Variants in TNRC6A observed in about 807,000 individuals in gnomAD.
TNRC6A encodes the protein trinucleotide repeat containing adaptor 6A.
A neutral mutation model predicts 221.2 loss-of-function variants in TNRC6A; 44 were observed. The observed-to-expected ratio is 0.20, with a 90% confidence interval of 0.16 to 0.26. The LOEUF is 0.26. Ranked by LOEUF, TNRC6A falls within the 10% of genes least tolerant of loss-of-function variation. TNRC6A has a pLI of 1.00. For synonymous variants in TNRC6A, 847 were observed against 838.5 expected (o/e 1.01, Z -0.18); for missense variants, 2,199 against 2,404.4 (o/e 0.91, Z 1.79).
chr16:24,780,743 T>C (rs1165825514), intron 5 of TNRC6A, among the ~76,000 whole-genome samples: 2 of 138,166 alleles, frequency 1.4e-5, no homozygotes, highest in East Asian at 4.1e-4. Flanking sequence ...GCCTTATCTA[T>C]TATGTTTGAA....
Position 24,789,891 on chromosome 16 carries a change from C to A in TNRC6A, c.1249C>A (p.His417Asn). The part of the protein sequence containing the change: ...INSKVSGGST[H>N]GTWGSLQETC... Reference sequence around the variant, plus strand: ...CTCTAAAGTGAGTGGTGGTTCTACCCATGGTACCTGGGGAAGCCTTCAGGA... The same window carrying A: ...CTCTAAAGTGAGTGGTGGTTCTACCAATGGTACCTGGGGAAGCCTTCAGGA... The change falls in exon 6 of 25, where the codon CAT becomes AAT. Residue 417 changes from histidine to asparagine, a missense_variant. This residue lies in a region of TNRC6A where 1,405 missense variants were observed against 1,400.2 expected (regional missense o/e 1.00). Transcript: ENST00000395799. 1 of 1,614,006 alleles carries A rather than the reference C, an allele frequency of 6.2e-7. No individual in the cohort carries two copies. Among genetic ancestry groups the A allele is most frequent in the South Asian group, 1.1e-5 (1 of 91,052 alleles).
intron 18 of TNRC6A, among the ~76,000 whole-genome samples, chr16:24,814,690 G>A (rs2058620796): frequency 6.6e-6 from 1 of 152,024 alleles, no homozygotes; most frequent in African/African-American, 2.4e-5. Flanking sequence ...TGGGATTACA[G>A]GCATGAGCCA....
intron 2 of TNRC6A, among the ~76,000 whole-genome samples, chr16:24,687,911 C>CTTCTT (rs551462314): frequency 0.19 from 22,948 of 119,826 alleles, 2,582 homozygotes; most frequent in Non-Finnish European, 0.22. Context: ...CTTGGACATG[C>CTTCTT]TTCTTTTCTT....
At chr16:24,610,359 A>C (rs1156286685) in exon 1 of TNRC6A, 1 of 152,206 alleles carries the variant, frequency 6.6e-6, no homozygotes, top group Non-Finnish European at 1.5e-5. Flanking sequence ...TGCCTGACTG[A>C]ATGGAAAACC....
chr16:24,684,920 C>T (rs1567354623), intron 2 of TNRC6A, among the ~76,000 whole-genome samples: 1 of 152,250 alleles, frequency 6.6e-6, no homozygotes, highest in Non-Finnish European at 1.5e-5. Context: ...CTTCTAAACT[C>T]ACTCTGAGTC....
At chr16:24,623,901 C>CAAAAAAAAA (rs67546745) in intron 1 of TNRC6A, among the ~76,000 whole-genome samples, 1 of 55,188 alleles carries the variant, frequency 1.8e-5, no homozygotes, top group Non-Finnish European at 3.0e-5. Flanking sequence ...GACCCTGTCT[C>CAAAAAAAAA]AAAAAAAAAA....
At chr16:24,755,919 G>A (rs556929779) in intron 3 of TNRC6A, among the ~76,000 whole-genome samples, 67 of 152,042 alleles carry the variant, frequency 4.4e-4, no homozygotes, top group Non-Finnish European at 9.0e-4. Context: ...AAGTAGTGTT[G>A]TATAGTTTTT....
chr16:24,652,696 A>G (rs897129626), intron 2 of TNRC6A, among the ~76,000 whole-genome samples: 38 of 152,172 alleles, frequency 2.5e-4, no homozygotes, highest in African/African-American at 8.4e-4. Context: ...ACAGCATATG[A>G]AAGACGGAAT....
chr16:24,690,324 T>C (rs1038192790), intron 2 of TNRC6A, among the ~76,000 whole-genome samples: 55 of 152,150 alleles, frequency 3.6e-4, no homozygotes, highest in African/African-American at 1.2e-3. Context: ...AAAAAAAATT[T>C]TAATGGAAAA....
At chr16:24,649,484 T>C (rs1290127198) in intron 2 of TNRC6A, among the ~76,000 whole-genome samples, 3 of 151,946 alleles carry the variant, frequency 2.0e-5, no homozygotes, top group Non-Finnish European at 2.9e-5. Flanking sequence ...AATTTTTTTA[T>C]TTTTTGTAGA....
chr16:24,810,704 G>T (rs1424322848), intron 18 of TNRC6A, among the ~76,000 whole-genome samples: 2 of 152,174 alleles, frequency 1.3e-5, no homozygotes, highest in Non-Finnish European at 2.9e-5. Context: ...CAGAAAAGAG[G>T]TAGATGAAGA....
In TNRC6A at chr16:24,781,043, C is replaced by CTTTTTTTTTTTTTTTTTT. The variant is rs35502747; in HGVS notation, c.589+3693_589+3710dup. 1.3e-4 allele frequency among the ~76,000 whole-genome samples: 7 copies of CTTTTTTTTTTTTTTTTTT among 53,426 alleles called. 1 individual carries two copies. The highest frequency in any genetic ancestry group is 5.3e-4 in the African/African-American group (6 of 11,318). The allele number at this position is 53,426 out of a possible 152,430, so 35.0% of individuals were successfully genotyped here. A position where few individuals can be genotyped will look rare whatever the true frequency, so the allele number is the denominator to read the frequency against. ...AAAAATTTTCTTAAGCCTCCATACT[C>CTTTTTTTTTTTTTTTTTT]TTTTTTTTTTTTTTTTTTTTTTTTT... is the stretch of plus-strand genomic sequence containing the variant. On this transcript the variant is annotated intron_variant, in intron 5 of 24. Transcript: ENST00000395799.
Position 24,820,215 on chromosome 16 carries a change from G to A in TNRC6A, c.5157G>A (p.Lys1719=), listed in dbSNP as rs762863694. ...TNTSLAHELW[K]VPLPPKNITA... Reference sequence around the variant, plus strand: ...CCTCTCTGGCTCATGAGCTGTGGAAGGTCCCTTTGCCACCTAAAAACATCA... The same window carrying A: ...CCTCTCTGGCTCATGAGCTGTGGAAAGTCCCTTTGCCACCTAAAAACATCA... Residue 1719 remains lysine, a synonymous_variant, in exon 22 of 25, where the codon AAG becomes AAA. Coordinates refer to ENST00000395799, the MANE Select transcript of TNRC6A (RefSeq NM_014494.4). The A allele has an allele frequency of 1.4e-5, 23 of 1,613,970 alleles. No individual in the cohort carries two copies. The highest frequency in any genetic ancestry group is 3.3e-5 in the South Asian group (3 of 91,080).
intron 4 of TNRC6A, among the ~76,000 whole-genome samples, chr16:24,775,514 G>A (rs1387539804): frequency 6.6e-6 from 1 of 152,220 alleles, no homozygotes; most frequent in East Asian, 1.9e-4. Context: ...GGTGAAGGGA[G>A]GCTAGAGCTG....
chr16:24,659,065 T>G (rs960212379), intron 2 of TNRC6A, among the ~76,000 whole-genome samples: 1 of 151,904 alleles, frequency 6.6e-6, no homozygotes, highest in Non-Finnish European at 1.5e-5. Flanking sequence ...CGCCTCAGTC[T>G]CCCAAAGTGC....
At chr16:24,767,465 T>A (rs755570330) in intron 4 of TNRC6A, among the ~76,000 whole-genome samples, 3 of 152,210 alleles carry the variant, frequency 2.0e-5, no homozygotes, top group African/African-American at 4.8e-5. Flanking sequence ...TTTTCCAGTT[T>A]CCCTTTTAAA....
chr16:24,726,764 T>C (rs1379017069), upstream of TNRC6A, among the ~76,000 whole-genome samples: 1 of 152,056 alleles, frequency 6.6e-6, no homozygotes, highest in Admixed American at 6.6e-5. Flanking sequence ...GTTTGTGTGG[T>C]GATGGGAAAT....
chr16:24,710,921 G>T (rs1338274875), intron 2 of TNRC6A, among the ~76,000 whole-genome samples: 1 of 150,756 alleles, frequency 6.6e-6, no homozygotes, highest in Non-Finnish European at 1.5e-5. Context: ...TGCCGCCCAG[G>T]CTGGAGTGCA....
At chr16:24,810,905 C>T (rs1156661953) in intron 18 of TNRC6A, among the ~76,000 whole-genome samples, 2 of 152,192 alleles carry the variant, frequency 1.3e-5, no homozygotes, top group Non-Finnish European at 2.9e-5. Flanking sequence ...CTTGGTAACT[C>T]ACTTAACTCA....
Sources: allele counts gnomAD v4.1 joint callset (sites outside exome capture counted in the v4.1 genomes callset), GRCh38; gene constraint gnomAD v4.1.1; regional missense constraint gnomAD v4.1.1; transcripts MANE v1.5; gene names NCBI Gene and HGNC (gene_info 2026-07-23, HGNC 2026-07-21).